The following ARRDC2 variants were observed in gnomAD, a reference collection of about 807,000 sequenced individuals.
ARRDC2 encodes the protein arrestin domain containing 2, also known as arrestin domain-containing protein 2.
A neutral mutation model predicts 38.9 loss-of-function variants in ARRDC2; 39 were observed. That is an observed-to-expected ratio of 1.00 (90% CI 0.78 to 1.31). The LOEUF (loss-of-function observed/expected upper bound fraction) is 1.31, where lower values mean the gene tolerates loss of function less well. Among genes scored for constraint, ARRDC2 ranks in the 50% most tolerant of loss-of-function variants. The pLI is 0.00. For missense variants in ARRDC2, 553 were observed against 588.4 expected (o/e 0.94, Z 0.62); for synonymous variants, 300 against 261.9 (o/e 1.15, Z -1.41).
chr19:18,006,480 G>A (rs1346957004), upstream of ARRDC2, among the ~76,000 whole-genome samples: 1 of 152,212 alleles, frequency 6.6e-6, no homozygotes, highest in Non-Finnish European at 1.5e-5. Context: ...CCAGTCAGGC[G>A]TGGCGGCGCG....
chr19:18,006,101 G>A (rs563162587), upstream of ARRDC2, among the ~76,000 whole-genome samples: 15 of 151,376 alleles, frequency 9.9e-5, no homozygotes, highest in South Asian at 1.7e-3. Flanking sequence ...TCACTTCCTA[G>A]GTGGGATGGC....
chr19:18,009,835 G>A lies in ARRDC2; in HGVS notation c.645G>A (p.Val215=). The A allele has an allele frequency of 6.2e-7, 1 of 1,612,360 alleles. No individual in the cohort carries two copies. The highest frequency in any genetic ancestry group is 8.5e-7 in the Non-Finnish European group (1 of 1,179,860). Residue 215 remains valine, a synonymous_variant, in exon 5 of 8, where the codon GTG becomes GTA. Transcript: ENST00000222250. Reference sequence around the variant, plus strand: ...TCGACAACGGCTCCACACGTCCTGTGCTGCCTCGGGCAGCCGTGGTGCAGA... The same window carrying A: ...TCGACAACGGCTCCACACGTCCTGTACTGCCTCGGGCAGCCGTGGTGCAGA... ...AEIDNGSTRP[V]LPRAAVVQTQ...
In ARRDC2 at chr19:18,010,630, C is replaced by A; in HGVS notation, c.1071C>A (p.Ser357Arg). Reference sequence around the variant, plus strand: ...CTGAGGAGGCAGCCTTGGGGCAGAGCCCCTTCCCGCTTCCGCAGGACCCCG... The same window carrying A: ...CTGAGGAGGCAGCCTTGGGGCAGAGACCCTTCCCGCTTCCGCAGGACCCCG... ...ADTEEAALGQ[S>R]PFPLPQDPDM... Residue 357 changes from serine (S) to arginine (R), a missense_variant, in exon 7 of 8, where the codon AGC (serine) becomes AGA (arginine). Transcript: ENST00000222250. 6.2e-7 allele frequency: 1 copy of A among 1,613,830 alleles called. No individual in the cohort carries two copies. Among genetic ancestry groups the A allele is most frequent in the Non-Finnish European group, 8.5e-7 (1 of 1,179,976 alleles).
At chr19:18,002,921 G>T (rs1442970634) in intron 1 of ARRDC2, among the ~76,000 whole-genome samples, 2 of 152,006 alleles carry the variant, frequency 1.3e-5, no homozygotes, top group African/African-American at 2.4e-5. Context: ...TGGCCAACAT[G>T]GTGAAACTTT....
chr19:18,008,549 A>C lies in ARRDC2; in HGVS notation c.239A>C (p.Glu80Ala). 1 of 1,566,146 alleles carries C rather than the reference A, an allele frequency of 6.4e-7. No homozygotes were observed. Among genetic ancestry groups the C allele is most frequent in the Non-Finnish European group, 8.6e-7 (1 of 1,163,634 alleles). Residue 80 changes from glutamate (E) to alanine (A), a missense_variant, in exon 1 of 8, where the codon GAG (glutamate) becomes GCG (alanine). Coordinates refer to ENST00000222250, the MANE Select transcript of ARRDC2 (RefSeq NM_015683.2). The part of the protein sequence containing the change: ...AYTQSYSERV[E>A]VVSHRATLLA... ...ACGCAGAGCTACAGTGAACGCGTGG[A>C]GGTCGTGAGCCACCGCGCCACGCTC...
chr19:18,004,025 G>C (rs370501259), upstream of ARRDC2, among the ~76,000 whole-genome samples: 1 of 149,928 alleles, frequency 6.7e-6, no homozygotes, highest in Admixed American at 6.7e-5. Context: ...CATCCACCTC[G>C]GCCTTCCAAA....
Position 18,012,908 on chromosome 19 carries a change from C to T in ARRDC2, c.1171-5C>T. ...TCTGAGGCTTAATGGGAACATTTCTCTTAGGAGGATCCAAACCCACTCTTG... is the reference window on the plus strand; with the variant it reads ...TCTGAGGCTTAATGGGAACATTTCTTTTAGGAGGATCCAAACCCACTCTTG... On this transcript the variant is annotated splice_polypyrimidine_tract_variant and splice_region_variant and intron_variant, in intron 7 of 7. Coordinates refer to ENST00000222250, the MANE Select transcript of ARRDC2 (RefSeq NM_015683.2). The T allele has an allele frequency of 6.2e-7, 1 of 1,613,638 alleles. No individual in the cohort carries two copies. Among genetic ancestry groups the T allele is most frequent in the South Asian group, 1.1e-5 (1 of 91,020 alleles).
In ARRDC2 at chr19:18,009,578, C is replaced by T. The variant is rs1036036846; in HGVS notation, c.490-14C>T. ...AAAGTGACTCATCCATGTCACTTTCCTCTACACCGACAGGCACCTCAAGCG... is the reference window on the plus strand; with the variant it reads ...AAAGTGACTCATCCATGTCACTTTCTTCTACACCGACAGGCACCTCAAGCG... On this transcript the variant is annotated splice_polypyrimidine_tract_variant and intron_variant, in intron 3 of 7. Transcript: ENST00000222250. 1.9e-6 allele frequency: 3 copies of T among 1,586,668 alleles called. No homozygotes were observed. The highest frequency in any genetic ancestry group is 2.6e-6 in the Non-Finnish European group (3 of 1,162,068).
chr19:18,013,762 G>A lies in ARRDC2; in HGVS notation c.*796G>A, dbSNP rs1027203109. On this transcript the variant is annotated 3_prime_UTR_variant, in exon 8 of 8. Coordinates refer to ENST00000222250, the MANE Select transcript of ARRDC2 (RefSeq NM_015683.2). ...GTGTTACATGGCCCAGGGAACCCAG[G>A]TTCAGGGTAGGACAGGCAAGACCAG... 2 of 152,192 alleles carry A rather than the reference G, an allele frequency of 1.3e-5. No homozygotes were observed. Among genetic ancestry groups the A allele is most frequent in the African/African-American group, 2.4e-5 (1 of 41,432 alleles). 9.4% of individuals were successfully genotyped at this position (152,192 alleles called of 1,614,324 possible). A position where few individuals can be genotyped will look rare whatever the true frequency, so the allele number is the denominator to read the frequency against.
rs1464679629 is a variant in ARRDC2, at chr19:18,008,766, C to T, written c.330C>T (p.Phe110=). ...GGCGCCATGAGTTCCTGTTCAGCTTCCAGCTGCCCCCGTAAGTCCTCTGGG... is the reference window on the plus strand; with the variant it reads ...GGCGCCATGAGTTCCTGTTCAGCTTTCAGCTGCCCCCGTAAGTCCTCTGGG... ...PPGRHEFLFS[F]QLPPTLVTSF... Residue 110 remains phenylalanine, a synonymous_variant, in exon 2 of 8, where the codon TTC becomes TTT. Transcript: ENST00000222250. The T allele has an allele frequency of 2.5e-6, 4 of 1,613,518 alleles. No individual in the cohort carries two copies. The highest frequency in any genetic ancestry group is 1.7e-6 in the Non-Finnish European group (2 of 1,179,996).
At chr19:18,004,127 T>A (rs1474387692), upstream of ARRDC2, among the ~76,000 whole-genome samples, 3 of 141,906 alleles carry the variant, frequency 2.1e-5, no homozygotes, top group African/African-American at 7.8e-5. Flanking sequence ...ATGCCTGTAA[T>A]CCCAGTACTT....
chr19:18,008,983 A>C lies in ARRDC2; in HGVS notation c.354A>C (p.Thr118=). ...CCCTCCACCCTAGGACCCTGGTGAC[A>C]TCCTTCGAGGGCAAACACGGTAGTG... ...FSFQLPPTLV[T]SFEGKHGSVR... Residue 118 remains threonine (T), a synonymous_variant, in exon 3 of 8, where the codon ACA becomes ACC. Transcript: ENST00000222250. 1 of 1,613,634 alleles carries C rather than the reference A, an allele frequency of 6.2e-7. No homozygotes were observed. Among genetic ancestry groups the C allele is most frequent in the South Asian group, 1.1e-5 (1 of 91,086 alleles).
upstream of ARRDC2, chr19:18,007,165 G>C (rs2033297048): frequency 6.6e-6 from 1 of 152,372 alleles, no homozygotes; most frequent in African/African-American, 2.4e-5. Flanking sequence ...GGGCGCCAGC[G>C]TCCCGCAGAC....
upstream of ARRDC2, among the ~76,000 whole-genome samples, chr19:18,004,789 C>G (rs1180615183): frequency 1.3e-5 from 2 of 151,078 alleles, no homozygotes; most frequent in Non-Finnish European, 2.9e-5. Flanking sequence ...CGCTTGAGCT[C>G]AAGAGTTCAA....
At chr19:18,001,545 C>T in exon 1 of ARRDC2, 2 of 1,380,988 alleles carry the variant, frequency 1.4e-6, no homozygotes, top group South Asian at 1.5e-5. Flanking sequence ...CGGAGACCTA[C>T]CTGCGGCGTC....
chr19:18,009,761 G>T (rs2033366771), intron 4 of ARRDC2, 22 bp from the exon 5 acceptor site: 1 of 1,612,838 alleles, frequency 6.2e-7, no homozygotes, highest in Non-Finnish European at 8.5e-7. Context: ...GGAAACTGAG[G>T]CCCCACTGCT....
At chr19:18,001,353 G>A in exon 1 of ARRDC2, 1 of 1,195,884 alleles carries the variant, frequency 8.4e-7, no homozygotes, top group Non-Finnish European at 1.0e-6. Context: ...CGCTGGAGCT[G>A]GCGCGGGGCC....
rs1294202538 is a variant in ARRDC2 at position 18,010,071 on chromosome 19, G to A, written c.849+32G>A. 5 of 1,604,708 alleles carry A rather than the reference G, an allele frequency of 3.1e-6. No homozygotes were observed. The South Asian group carries it at 5.5e-5, about 18-fold the overall frequency. ...CATCCTGCTGGCCCTGGGGGACAGT[G>A]CCTACATTCACCCTGTATTCCCTCA... On this transcript the variant is annotated intron_variant, in intron 5 of 7. Coordinates refer to ENST00000222250, the MANE Select transcript of ARRDC2 (RefSeq NM_015683.2).
chr19:18,013,109 C>T lies in ARRDC2; in HGVS notation c.*143C>T, dbSNP rs771668159. The T allele has an allele frequency of 1.5e-5, 12 of 810,184 alleles. No individual in the cohort carries two copies. The highest frequency in any genetic ancestry group is 5.2e-5 in the African/African-American group (3 of 57,782). The allele number at this position is 810,184 out of a possible 1,614,324, so 50.2% of individuals were successfully genotyped here. ...GTCTCAGAGTGAGGCGGGGGCCTTT[C>T]GGATATCACATGGGACAGAGGAAGA... On this transcript the variant is annotated 3_prime_UTR_variant, in exon 8 of 8. Coordinates refer to ENST00000222250, the MANE Select transcript of ARRDC2 (RefSeq NM_015683.2).
Sources: allele counts gnomAD v4.1 joint callset (sites outside exome capture counted in the v4.1 genomes callset), GRCh38; gene constraint gnomAD v4.1.1; transcripts MANE v1.5; gene names NCBI Gene and HGNC (gene_info 2026-07-23, HGNC 2026-07-21).